Variants in INSYN2A observed in about 807,000 individuals in gnomAD.
INSYN2A encodes the protein family with sequence similarity 196 member A.
Under a neutral mutation model 39.4 loss-of-function variants are expected in INSYN2A, and 17 were observed. That is an observed-to-expected ratio of 0.43 (90% CI 0.30 to 0.65). The LOEUF is 0.65. Ranked by LOEUF, INSYN2A falls within the 30% of genes least tolerant of loss-of-function variation. The pLI is 0.14. For synonymous variants in INSYN2A, 255 were observed against 265.7 expected (o/e 0.96, Z 0.39); for missense variants, 595 against 631.2 (o/e 0.94, Z 0.61).
chr10:127,168,904 T>C lies in INSYN2A; in HGVS notation c.1184+6308A>G, dbSNP rs200110187. Among the ~76,000 whole-genome samples the C allele has an allele frequency of 2.4e-4, 36 of 152,350 alleles. 1 individual carries two copies. In the East Asian group the frequency reaches 6.6e-3, roughly 28 times the overall value. ...CCTTATGCTTCCTCTGTAATTGTGA[T>C]GCAGTATTTATTCTGTTTGGGCATT... On this transcript the variant is annotated intron_variant, in intron 4 of 5. Transcript: ENST00000522781.
chr10:127,177,228 G>GGTT (rs2133919902), intron 2 of INSYN2A, 89 bp from the exon 3 acceptor site: 1 of 152,234 alleles, frequency 6.6e-6, no homozygotes, highest in South Asian at 2.1e-4. Flanking sequence ...CAATGGTGGT[G>GGTT]GTTTCAGTAC....
At chr10:127,190,210 G>A (rs989931533) in intron 2 of INSYN2A, among the ~76,000 whole-genome samples, 1 of 152,220 alleles carries the variant, frequency 6.6e-6, no homozygotes, top group African/African-American at 2.4e-5. Context: ...AGGAATCGCT[G>A]AGGTTGAGTT....
At chr10:127,164,599 G>A (rs953194907) in intron 4 of INSYN2A, among the ~76,000 whole-genome samples, 1 of 152,164 alleles carries the variant, frequency 6.6e-6, no homozygotes, top group Non-Finnish European at 1.5e-5. Flanking sequence ...GTATTTTATA[G>A]ACATTATTAT....
chr10:127,175,452 G>GACAGGC lies in INSYN2A; in HGVS notation c.938_943dup (p.Cys313_Leu314dup). On this transcript the variant is annotated inframe_insertion, in exon 4 of 6. Transcript: ENST00000522781. This position sits in a 1 kb window ranked among gnomAD's most constrained non-coding sequence, Gnocchi z 6.3. ...CGACGGCTGCTCACTACATTCGGGG[G>GACAGGC]ACAGGCACTGCATCGGGGGTGAGCA... 6.2e-7 allele frequency: 1 copy of GACAGGC among 1,611,490 alleles called. No individual in the cohort carries two copies. Among genetic ancestry groups the GACAGGC allele is most frequent in the Non-Finnish European group, 8.5e-7 (1 of 1,180,018 alleles).
At chr10:127,141,668 C>G (rs2051262931) in intron 5 of INSYN2A, among the ~76,000 whole-genome samples, 1 of 150,288 alleles carries the variant, frequency 6.7e-6, no homozygotes, top group African/African-American at 2.5e-5. Context: ...GAGACTTTGT[C>G]TTTAAAACAA....
chr10:127,142,649 C>T (rs1034370931), intron 5 of INSYN2A, among the ~76,000 whole-genome samples: 1 of 152,104 alleles, frequency 6.6e-6, no homozygotes, highest in African/African-American at 2.4e-5. Context: ...GGGATATTGA[C>T]AAGACACGAA....
Position 127,175,591 on chromosome 10 carries a change from C to G in INSYN2A, c.805G>C (p.Gly269Arg), listed in dbSNP as rs1330724929. 1 of 1,612,436 alleles carries G rather than the reference C, an allele frequency of 6.2e-7. No homozygotes were observed. The highest frequency in any genetic ancestry group is 1.7e-5 in the Admixed American group (1 of 60,000). Residue 269 changes from glycine (G) to arginine (R), a missense_variant, in exon 4 of 6, where the codon GGT becomes CGT. Physicochemically the swap from Gly to Arg is moderately radical, Grantham distance 125. Around this residue, in one of 2 missense-constraint regions of INSYN2A, gnomAD observed 478 missense variants for 467.4 expected, o/e 1.02. Transcript: ENST00000522781. This position sits in a 1 kb window ranked among gnomAD's most constrained non-coding sequence, Gnocchi z 6.3. ...CTGGCGGCTGCAGAGTCTGACAAAC[C>G]AGGCTCGGGGGCCCTGGCACTGAGG... The part of the protein sequence containing the change: ...PALSARAPEP[G>R]LSDSAAASQW...
At chr10:127,187,164 G>A (rs958168386) in intron 2 of INSYN2A, among the ~76,000 whole-genome samples, 1 of 152,206 alleles carries the variant, frequency 6.6e-6, no homozygotes, top group Non-Finnish European at 1.5e-5. Flanking sequence ...AACACATTAA[G>A]TGTTAAACTC....
At chr10:127,164,630 T>G (rs957668942) in intron 4 of INSYN2A, among the ~76,000 whole-genome samples, 1 of 152,226 alleles carries the variant, frequency 6.6e-6, no homozygotes, top group African/African-American at 2.4e-5. Context: ...ACATGCAGAT[T>G]TGGACAGGGA....
chr10:127,169,765 G>A (rs754532535), intron 4 of INSYN2A, among the ~76,000 whole-genome samples: 5 of 152,166 alleles, frequency 3.3e-5, no homozygotes, highest in Non-Finnish European at 5.9e-5. Flanking sequence ...AGTAAACACA[G>A]ATGTCCATGA....
In INSYN2A at chr10:127,196,380, C is replaced by T. The variant is rs1423949889; in HGVS notation, c.-778G>A. On this transcript the variant is annotated 5_prime_UTR_variant, in exon 1 of 6. Transcript: ENST00000522781. ...ACAGCCACCCGGCTTCGCGCTCCTC[C>T]GATGTCCTCATTTACTGCAATTGTC... Among the ~76,000 whole-genome samples the T allele has an allele frequency of 1.3e-5, 2 of 148,742 alleles. No homozygotes were observed. The highest frequency in any genetic ancestry group is 4.1e-4 in the South Asian group (2 of 4,826).
At chr10:127,162,578 C>T (rs1294573450) in intron 4 of INSYN2A, among the ~76,000 whole-genome samples, 3 of 152,240 alleles carry the variant, frequency 2.0e-5, no homozygotes, top group East Asian at 1.9e-4. Context: ...GAATCACACA[C>T]ATCCCATTCC....
Position 127,175,229 on chromosome 10 carries a change from T to C in INSYN2A, c.1167A>G (p.Gly389=). ...LLGVIQELEK[G]EAHREGLSYR... is the part of the protein sequence containing the mutation. ...ATACATACCCTTCCCGATGGGCCTC[T>C]CCTTTTTCCAACTCCTGAATGACCC... is the stretch of plus-strand genomic sequence containing the variant. Residue 389 remains glycine (G), a synonymous_variant, in exon 4 of 6, where the codon GGA becomes GGG. Coordinates refer to ENST00000522781, the MANE Select transcript of INSYN2A (RefSeq NM_001039762.3). The surrounding 1 kb of genome is among the most constrained non-coding windows in gnomAD (Gnocchi z 6.3). 6.2e-7 allele frequency: 1 copy of C among 1,613,662 alleles called. No individual in the cohort carries two copies. The highest frequency in any genetic ancestry group is 8.5e-7 in the Non-Finnish European group (1 of 1,179,720).
chr10:127,142,735 A>G (rs1348355388), intron 5 of INSYN2A, among the ~76,000 whole-genome samples: 1 of 152,146 alleles, frequency 6.6e-6, no homozygotes, highest in African/African-American at 2.4e-5. Flanking sequence ...AGATAAGGGA[A>G]CCATCCACCC....
chr10:127,189,098 A>ATG (rs1426863073), intron 2 of INSYN2A, among the ~76,000 whole-genome samples: 5 of 152,342 alleles, frequency 3.3e-5, no homozygotes, highest in African/African-American at 4.8e-5. Context: ...TGTGTTGTGC[A>ATG]TGTGGATGAC....
intron 1 of INSYN2A, among the ~76,000 whole-genome samples, chr10:127,194,724 G>T (rs533640963): frequency 6.6e-6 from 1 of 152,276 alleles, no homozygotes; most frequent in African/African-American, 2.4e-5. Context: ...CGTTGAGGGG[G>T]GAGCGTTCAA....
intron 4 of INSYN2A, among the ~76,000 whole-genome samples, chr10:127,164,906 A>G (rs1317169701): frequency 6.6e-6 from 1 of 152,236 alleles, no homozygotes; most frequent in Non-Finnish European, 1.5e-5. Flanking sequence ...AGGCACCAGG[A>G]GCAGCTATTA....
chr10:127,138,564 G>C (rs539990048), intron 5 of INSYN2A, among the ~76,000 whole-genome samples: 2 of 152,244 alleles, frequency 1.3e-5, no homozygotes, highest in African/African-American at 4.8e-5. Context: ...TCTGATAAGG[G>C]CCATAGTGCC....
chr10:127,189,610 C>T (rs1442165969), intron 2 of INSYN2A, among the ~76,000 whole-genome samples: 2 of 152,370 alleles, frequency 1.3e-5, no homozygotes, highest in East Asian at 1.9e-4. Flanking sequence ...ACTGAGCTAA[C>T]AACTACCTTT....
Sources: allele counts gnomAD v4.1 joint callset (sites outside exome capture counted in the v4.1 genomes callset), GRCh38; gene constraint gnomAD v4.1.1; regional missense constraint gnomAD v4.1.1; non-coding constraint Gnocchi (gnomAD v3.1); transcripts MANE v1.5; gene names NCBI Gene and HGNC (gene_info 2026-07-23, HGNC 2026-07-21).